LAMA5: variants seen among roughly 807,000 people sequenced by gnomAD.
The protein encoded by LAMA5 is laminin subunit alpha 5.
A neutral mutation model predicts 433.4 loss-of-function variants in LAMA5; 260 were observed. The observed-to-expected ratio is 0.60, with a 90% CI of 0.54 to 0.66. The LOEUF (loss-of-function observed/expected upper bound fraction) is 0.66. Among genes scored for constraint, LAMA5 ranks in the 30% least tolerant of loss-of-function variants. The probability of loss-of-function intolerance (pLI) is 0.00; values close to 1 mark genes in which losing one functional copy is unlikely to be tolerated. For missense variants in LAMA5, 5,378 were observed against 5,258.5 expected (o/e 1.02, Z -0.70); for synonymous variants, 2,620 against 2,226.6 (o/e 1.18, Z -4.97).
Position 62,310,195 on chromosome 20 carries a change from G to C in LAMA5, c.10717C>G (p.Gln3573Glu), listed in dbSNP as rs1457212086. The C allele has an allele frequency of 1.9e-6, 3 of 1,612,400 alleles. No individual in the cohort carries two copies. Among genetic ancestry groups the C allele is most frequent in the African/African-American group, 2.7e-5 (2 of 74,928 alleles). Residue 3573 changes from glutamine to glutamate, a missense_variant, in exon 77 of 80, where the codon CAG becomes GAG. Transcript: ENST00000252999. ...QARTPPYLQL[Q>E]VTEKQVLLRA... ...AGGCTTACTTGCTTCTCGGTCACCTGCAACTGCAAGTAGGGGGGCGTCCGG... is the reference window on the plus strand; with the variant it reads ...AGGCTTACTTGCTTCTCGGTCACCTCCAACTGCAAGTAGGGGGGCGTCCGG...
In LAMA5 at chr20:62,325,179, G is replaced by A. The variant is rs570380399; in HGVS notation, c.5529+137C>T. 2.0e-4 allele frequency: 132 copies of A among 654,418 alleles called. 2 individuals carry two copies. Among genetic ancestry groups the A allele is most frequent in the South Asian group, 1.9e-3 (96 of 49,694 alleles). The allele number at this position is 654,418 out of a possible 1,614,324, so 40.5% of individuals were successfully genotyped here. A position where few individuals can be genotyped will look rare whatever the true frequency, so the allele number is the denominator to read the frequency against. ...GCCCATGAGTTGGCCAGCAGCCTGT[G>A]AAAAGCAGGGGCAGGAAGAGAGGTG... is the stretch of plus-strand genomic sequence containing the variant. On this transcript the variant is annotated intron_variant, in intron 41 of 79. Transcript: ENST00000252999.
chr20:62,312,035 C>A lies in LAMA5; in HGVS notation c.9520G>T (p.Val3174Leu), dbSNP rs376460778. Residue 3174 changes from valine (V) to leucine (L), a missense_variant, in exon 70 of 80, where the codon GTG (valine) becomes TTG (leucine). Physicochemically the swap from Val to Leu is conservative, Grantham distance 32. Transcript: ENST00000252999. ...CTCACACGGCCCTGCTGCAGGGACA[C>A]CTGGCATAGCCCATCCTGGGGACGG... ...YRASPDGLCQ[V>L]SLQQGRVSLQ... 6.2e-7 allele frequency: 1 copy of A among 1,612,050 alleles called. No individual in the cohort carries two copies. Among genetic ancestry groups the A allele is most frequent in the Admixed American group, 1.7e-5 (1 of 59,962 alleles).
chr20:62,350,944 A>C (rs2146304660), intron 6 of LAMA5: 1 of 152,530 alleles, frequency 6.6e-6, no homozygotes, highest in South Asian at 2.1e-4. Flanking sequence ...GAAAGGACGG[A>C]CGTGCCCTGG....
chr20:62,319,269 C>T lies in LAMA5; in HGVS notation c.6872-256G>A, dbSNP rs183648766. Among the ~76,000 whole-genome samples, 455 of 152,250 alleles carry T rather than the reference C, an allele frequency of 3.0e-3. 3 individuals carry two copies. Among genetic ancestry groups the T allele is most frequent in the African/African-American group, 0.011 (441 of 41,534 alleles). ...CAGCTTCTGAGCCTTCTCGTCCTGC[C>T]CCTCTCCGCCTGGCCCACCCTGCTC... On this transcript the variant is annotated intron_variant, in intron 51 of 79. Transcript: ENST00000252999.
At chr20:62,325,115 G>GGATGAAGAGCAGGCA in intron 41 of LAMA5, 1 of 537,516 alleles carries the variant, frequency 1.9e-6, no homozygotes. Context: ...GCAGGCAGGC[G>GGATGAAGAGCAGGCA]GACGAGGGGC....
In LAMA5 at chr20:62,317,508, T is replaced by C. The variant is rs1987082522; in HGVS notation, c.7357-9A>G. ...GCGAGGCGCTCCAGCTCCTGGAATT[T>C]GAGTGGACTTAGCCCCTCATCCTGC... On this transcript the variant is annotated splice_polypyrimidine_tract_variant and intron_variant, in intron 54 of 79. Coordinates refer to ENST00000252999, the MANE Select transcript of LAMA5 (RefSeq NM_005560.6). 2 of 1,538,952 alleles carry C rather than the reference T, an allele frequency of 1.3e-6. No individual in the cohort carries two copies. The highest frequency in any genetic ancestry group is 8.8e-7 in the Non-Finnish European group (1 of 1,139,674).
chr20:62,341,826 C>CAAAAAAAAAA (rs11466846), intron 11 of LAMA5, among the ~76,000 whole-genome samples: 32 of 128,116 alleles, frequency 2.5e-4, no homozygotes, highest in African/African-American at 8.7e-4. Flanking sequence ...TCTGATCAAC[C>CAAAAAAAAAA]AAAAAAAAAA....
At chr20:62,347,051 G>T (rs776719777) in intron 6 of LAMA5, 23 bp from the exon 7 acceptor site, 1 of 1,579,838 alleles carries the variant, frequency 6.3e-7, no homozygotes, top group Non-Finnish European at 8.7e-7. Context: ...CAGGAGGGGG[G>T]ATCAGGCCCA....
At chr20:62,328,569 C>A in intron 34 of LAMA5, 124 bp from the exon 35 acceptor site, 1 of 1,052,926 alleles carries the variant, frequency 9.5e-7, no homozygotes, top group South Asian at 1.7e-5. Flanking sequence ...ACAGGGACCC[C>A]TGCCCCGGGT....
chr20:62,328,842 A>T lies in LAMA5; in HGVS notation c.4447+2T>A. The T allele has an allele frequency of 1.9e-6, 3 of 1,610,728 alleles. No homozygotes were observed. The highest frequency in any genetic ancestry group is 2.5e-6 in the Non-Finnish European group (3 of 1,179,302). ...TGGGCGCCCAAGGACTGGGGTACTCACGCCTGCAGTTGGGGAAGCCCCAGT... is the reference window on the plus strand; with the variant it reads ...TGGGCGCCCAAGGACTGGGGTACTCTCGCCTGCAGTTGGGGAAGCCCCAGT... On this transcript the variant is annotated splice_donor_variant, in intron 34 of 79. Transcript: ENST00000252999. LOFTEE classifies it high-confidence loss of function.
chr20:62,323,051 G>A (rs533976678), intron 45 of LAMA5, among the ~76,000 whole-genome samples: 3 of 146,680 alleles, frequency 2.0e-5, no homozygotes, highest in East Asian at 4.1e-4. Context: ...ACTGATTGTG[G>A]GGGGAGAGGG....
At position 62,312,454 on chromosome 20, in the gene LAMA5, G is replaced by A. The variant is rs747130622; in HGVS notation, c.9306C>T (p.Asp3102=). The change falls in exon 68 of 80, where the codon GAC becomes GAT. Residue 3102 remains aspartate, a synonymous_variant. Transcript: ENST00000252999. The stretch of plus-strand genomic sequence containing the variant: ...CGCCTGTCGTGTTCAGCCGCTTGAG[G>A]TCCACATACTTGCCCAGGGCCTTGA... ...KGIKALGKYV[D]LKRLNTTGVS... is the part of the protein sequence containing the mutation. The A allele has an allele frequency of 6.3e-7, 1 of 1,598,264 alleles. No homozygotes were observed. Among genetic ancestry groups the A allele is most frequent in the Admixed American group, 1.7e-5 (1 of 59,940 alleles).
In LAMA5 at chr20:62,332,578, G is replaced by T. The variant is rs780103482; in HGVS notation, c.3422C>A (p.Ser1141Tyr). 1.3e-6 allele frequency: 2 copies of T among 1,594,380 alleles called. No homozygotes were observed. ...PQRAPQQGLL[S>Y]LHPCLYSTLC... ...TCACCTGTACAGGCAGGGGTGCAGGGAGAGCAGCCCCTGCTGGGGGGCCCG... is the reference window on the plus strand; with the variant it reads ...TCACCTGTACAGGCAGGGGTGCAGGTAGAGCAGCCCCTGCTGGGGGGCCCG... Residue 1141 changes from serine to tyrosine, a missense_variant, in exon 27 of 80, where the codon TCC becomes TAC. Ser to Tyr is a moderately radical substitution (Grantham distance 144). Coordinates refer to ENST00000252999, the MANE Select transcript of LAMA5 (RefSeq NM_005560.6).
intron 11 of LAMA5, chr20:62,345,526 C>T (rs1237536942): frequency 3.8e-6 from 2 of 525,900 alleles, no homozygotes; most frequent in South Asian, 1.7e-5. Flanking sequence ...TCCACCTCAG[C>T]CTCCGGAGTA....
chr20:62,359,182 C>T lies in LAMA5; in HGVS notation c.450+3218G>A, dbSNP rs982854286. On this transcript the variant is annotated intron_variant, in intron 2 of 79. Coordinates refer to ENST00000252999, the MANE Select transcript of LAMA5 (RefSeq NM_005560.6). This position sits in a 1 kb window ranked among gnomAD's most constrained non-coding sequence, Gnocchi z 4.3. ...CCTCCCTACCGGAAGGGGGCCCGTG[C>T]GTCCTCACTCCTCATCTGAGGGAGG... Among the ~76,000 whole-genome samples the T allele has an allele frequency of 1.3e-5, 2 of 152,160 alleles. No homozygotes were observed. The highest frequency in any genetic ancestry group is 2.9e-5 in the Non-Finnish European group (2 of 68,020).
intron 2 of LAMA5, among the ~76,000 whole-genome samples, chr20:62,358,403 A>C (rs527362537): frequency 1.3e-5 from 2 of 152,116 alleles, no homozygotes; most frequent in African/African-American, 2.4e-5. Flanking sequence ...CGAGCTCTGT[A>C]ACTAGAGCCT....
At chr20:62,322,618 A>AGGGGGGG in intron 46 of LAMA5, 40 bp downstream of exon 46, 2 of 1,436,366 alleles carry the variant, frequency 1.4e-6, no homozygotes, top group Non-Finnish European at 1.9e-6. Context: ...TCTAGTCCCT[A>AGGGGGGG]GGCCCCACCC....
intron 31 of LAMA5, among the ~76,000 whole-genome samples, 154 bp from the exon 32 acceptor site, chr20:62,330,070 C>A (rs1980069208): frequency 6.6e-6 from 1 of 152,234 alleles, no homozygotes; most frequent in East Asian, 1.9e-4. Flanking sequence ...CAAGGCCGGC[C>A]CCTCATGTCA....
chr20:62,311,444 G>T lies in LAMA5; in HGVS notation c.9899C>A (p.Thr3300Asn). 1 of 1,601,740 alleles carries T rather than the reference G, an allele frequency of 6.2e-7. No homozygotes were observed. Among genetic ancestry groups the T allele is most frequent in the Admixed American group, 1.7e-5 (1 of 58,582 alleles). ...CAGTCCTCTAGGCCCCAGGCCCGGG[G>T]TCTGGGCTTGCAGGGCGGGTGCACA... ...TGCAPALQAQ[T>N]PGLGPRGLQA... The change falls in exon 72 of 80, where the codon ACC becomes AAC. Residue 3300 changes from threonine (T) to asparagine (N), a missense_variant. By Grantham distance (65) the Thr-to-Asn change is moderately conservative. Coordinates refer to ENST00000252999, the MANE Select transcript of LAMA5 (RefSeq NM_005560.6).
Sources: allele counts gnomAD v4.1 joint callset (sites outside exome capture counted in the v4.1 genomes callset), GRCh38; gene constraint gnomAD v4.1.1; non-coding constraint Gnocchi (gnomAD v3.1); transcripts MANE v1.5; gene names NCBI Gene and HGNC (gene_info 2026-07-23, HGNC 2026-07-21).